MUC5B: variants seen among roughly 807,000 people sequenced by gnomAD.
MUC5B encodes the protein mucin-5B.
MUC5B carries 116 observed loss-of-function variants against 376.9 expected under a neutral mutation model. The observed-to-expected ratio is 0.31, with a 90% confidence interval of 0.26 to 0.36. The LOEUF is 0.36. Among genes scored for constraint, MUC5B ranks in the 10% least tolerant of loss-of-function variants. The pLI is 1.00. For missense variants in MUC5B, 7,165 were observed against 7,769.9 expected (o/e 0.92, Z 2.93); for synonymous variants, 3,517 against 3,390.9 (o/e 1.04, Z -1.29).
chr11:1,251,406 A>G lies in MUC5B; in HGVS notation c.14526A>G (p.Pro4842=). 6.2e-7 allele frequency: 1 copy of G among 1,611,976 alleles called. No homozygotes were observed. The highest frequency in any genetic ancestry group is 1.6e-4 in the Middle Eastern group (1 of 6,062). Residue 4842 remains proline (P), a synonymous_variant, in exon 31 of 49, where the codon CCA becomes CCG. Coordinates refer to ENST00000529681, the MANE Select transcript of MUC5B (RefSeq NM_002458.3). ...TGSTATLSST[P]GTTWILTEPS... ...CCACGGCCACCCTGTCCTCCACCCCAGGGACCACCTGGATCCTCACAGAGC... is the reference window on the plus strand; with the variant it reads ...CCACGGCCACCCTGTCCTCCACCCCGGGGACCACCTGGATCCTCACAGAGC...
rs201753409 is a variant in MUC5B, at chr11:1,241,275, G to A, written c.4395G>A (p.Lys1465=). The change falls in exon 31 of 49, where the codon AAG becomes AAA. Residue 1465 remains lysine (K), a synonymous_variant. Transcript: ENST00000529681. Reference sequence around the variant, plus strand: ...CAACCCAGACCACAGCAACCGAAAAGACCACCCTATGGGTGACCCCGAGCA... The same window carrying A: ...CAACCCAGACCACAGCAACCGAAAAAACCACCCTATGGGTGACCCCGAGCA... ...PTPTQTTATE[K]TTLWVTPSIR... 100 of 1,596,270 alleles carry A rather than the reference G, an allele frequency of 6.3e-5. 1 individual carries two copies. Among genetic ancestry groups the A allele is most frequent in the South Asian group, 6.8e-5 (6 of 88,670 alleles).
chr11:1,229,665 C>G, intron 9 of MUC5B, 25 bp from the exon 10 acceptor site: 1 of 1,533,280 alleles, frequency 6.5e-7, no homozygotes, highest in Non-Finnish European at 8.8e-7. Flanking sequence ...CATGGGCCGG[C>G]CCTGCCTCAC....
In MUC5B at chr11:1,249,143, G is replaced by C; in HGVS notation, c.12263G>C (p.Gly4088Ala). 3 of 1,609,690 alleles carry C rather than the reference G, an allele frequency of 1.9e-6. No individual in the cohort carries two copies. The highest frequency in any genetic ancestry group is 2.5e-6 in the Non-Finnish European group (3 of 1,179,158). ...SPPSPGTTTP[G>A]HTTATSRTTA... ...CCTTCCCCAGGGACGACCACCCCGG[G>C]CCACACCACGGCCACCTCCAGGACC... The change falls in exon 31 of 49, where the codon GGC (glycine) becomes GCC (alanine). Residue 4088 changes from glycine to alanine, a missense_variant. Transcript: ENST00000529681.
rs113090454 is a variant in MUC5B at position 1,254,397 on chromosome 11, G to A, written c.15477+46G>A. ...GCACAGTGTTGGCCCAGTCCCAACCGCACCTGGGCAGGCCGACTGCAGGCC... is the reference window on the plus strand; with the variant it reads ...GCACAGTGTTGGCCCAGTCCCAACCACACCTGGGCAGGCCGACTGCAGGCC... On this transcript the variant is annotated intron_variant, in intron 34 of 48. Coordinates refer to ENST00000529681, the MANE Select transcript of MUC5B (RefSeq NM_002458.3). 718 of 1,586,244 alleles carry A rather than the reference G, an allele frequency of 4.5e-4. 7 individuals carry two copies. The African/African-American group carries it at 8.1e-3, about 18-fold the overall frequency.
rs1862993639 is a variant in MUC5B at position 1,261,494 on chromosome 11, C to T, written c.17175C>T (p.Ile5725=). ...TGCACTGTCCTAACGGCTCAGCCAT[C>T]CTGCACACCTACACCCACGTGGATG... The part of the protein sequence containing the change: ...VPLHCPNGSA[I]LHTYTHVDEC... The change falls in exon 49 of 49, where the codon ATC becomes ATT. Residue 5725 remains isoleucine (I), a synonymous_variant. Transcript: ENST00000529681. The T allele has an allele frequency of 6.3e-7, 1 of 1,594,278 alleles. No individual in the cohort carries two copies. Among genetic ancestry groups the T allele is most frequent in the Non-Finnish European group, 8.5e-7 (1 of 1,171,722 alleles).
intron 24 of MUC5B, 55 bp from the exon 25 acceptor site, chr11:1,236,870 C>T: frequency 7.2e-7 from 1 of 1,397,880 alleles, no homozygotes; most frequent in Non-Finnish European, 9.3e-7. Context: ...GTGCTGCCTC[C>T]CACGGGTGCC....
chr11:1,240,118 G>A (rs368074085), intron 29 of MUC5B, 30 bp downstream of exon 29: 23 of 1,562,818 alleles, frequency 1.5e-5, no homozygotes, highest in South Asian at 3.6e-5. Context: ...TTAGTGGGCC[G>A]GTGAAGGCTG....
At position 1,245,317 on chromosome 11, in the gene MUC5B, C is replaced by T. The variant is rs1862424975; in HGVS notation, c.8437C>T (p.His2813Tyr). The change falls in exon 31 of 49, where the codon CAC (histidine) becomes TAC (tyrosine). Residue 2813 changes from histidine to tyrosine, a missense_variant. Physicochemically the swap from His to Tyr is moderately conservative, Grantham distance 83. Transcript: ENST00000529681. ...QHSTPALSSP[H>Y]PSSRTTESPP... The stretch of plus-strand genomic sequence containing the variant: ...CTCGACTCCAGCCCTGTCCAGCCCT[C>T]ACCCTAGCAGCAGGACCACCGAGTC... 1.3e-6 allele frequency: 2 copies of T among 1,596,750 alleles called. No individual in the cohort carries two copies. Among genetic ancestry groups the T allele is most frequent in the African/African-American group, 1.4e-5 (1 of 72,244 alleles).
Position 1,234,737 on chromosome 11 carries a change from G to T in MUC5B, c.2630+57G>T. ...GGGGAGGGCGGGGGCGGGGAGGGCA[G>T]CGGGTGGGGAGGCAGCGGGCAGGGA... On this transcript the variant is annotated intron_variant, in intron 21 of 48. Coordinates refer to ENST00000529681, the MANE Select transcript of MUC5B (RefSeq NM_002458.3). This position sits in a 1 kb window ranked among gnomAD's most constrained non-coding sequence, Gnocchi z 6.3. 1.1e-6 allele frequency: 1 copy of T among 903,402 alleles called. No homozygotes were observed. Among genetic ancestry groups the T allele is most frequent in the Non-Finnish European group, 1.6e-6 (1 of 624,238 alleles). 56.0% of individuals were successfully genotyped at this position (903,402 alleles called of 1,614,324 possible). A position where few individuals can be genotyped will look rare whatever the true frequency, so the allele number is the denominator to read the frequency against.
intron 31 of MUC5B, 102 bp from the exon 32 acceptor site, chr11:1,252,241 C>G: frequency 8.4e-7 from 1 of 1,186,376 alleles, no homozygotes; most frequent in Non-Finnish European, 1.2e-6. Flanking sequence ...TTCCCTGGAA[C>G]CGCTGCTCCC....
chr11:1,254,557 AG>A, intron 34 of MUC5B, 136 bp from the exon 35 acceptor site: 1 of 1,215,286 alleles, frequency 8.2e-7, no homozygotes. Flanking sequence ...CCAGGCCCCC[AG>A]GGAAGATCTG....
Position 1,243,545 on chromosome 11 carries a change from T to G in MUC5B, c.6665T>G (p.Leu2222Trp), listed in dbSNP as rs1480910311. Reference protein sequence around the residue: ...TAWTSATSGILGTTHITEPST... With the variant: ...TAWTSATSGIWGTTHITEPST... ...TGGACTTCGGCCACCTCGGGCATCT[T>G]GGGCACCACCCACATCACAGAGCCT... Residue 2222 changes from leucine to tryptophan, a missense_variant, in exon 31 of 49, where the codon TTG (leucine) becomes TGG (tryptophan). By Grantham distance (61) the Leu-to-Trp change is moderately conservative (BLOSUM62 -2). Around this residue, in one of 31 missense-constraint regions of MUC5B, gnomAD observed 67 missense variants for 103.0 expected, o/e 0.65. Transcript: ENST00000529681. The G allele has an allele frequency of 6.2e-7, 1 of 1,604,686 alleles. No homozygotes were observed. The highest frequency in any genetic ancestry group is 8.5e-7 in the Non-Finnish European group (1 of 1,177,278).
At chr11:1,231,066 C>A in intron 13 of MUC5B, 61 bp downstream of exon 13, 1 of 1,479,092 alleles carries the variant, frequency 6.8e-7, no homozygotes, top group Non-Finnish European at 9.2e-7. Flanking sequence ...GCAGCTCCCA[C>A]AGCCTGGGCA....
At position 1,227,018 on chromosome 11, in the gene MUC5B, G is replaced by A. The variant is rs780789878; in HGVS notation, c.462-13G>A. On this transcript the variant is annotated splice_polypyrimidine_tract_variant and intron_variant, in intron 4 of 48. Coordinates refer to ENST00000529681, the MANE Select transcript of MUC5B (RefSeq NM_002458.3). ...AGAGCGGGGCCCAGGGAGAGACCCC[G>A]CTGTCTGCGCAGGGAGGAGCTGCCT... 7.5e-6 allele frequency: 12 copies of A among 1,600,682 alleles called. No homozygotes were observed. The highest frequency in any genetic ancestry group is 5.1e-5 in the Admixed American group (3 of 59,224).
At chr11:1,238,291 C>T (rs1319989797) in intron 25 of MUC5B, among the ~76,000 whole-genome samples, 1 of 152,228 alleles carries the variant, frequency 6.6e-6, no homozygotes, top group Non-Finnish European at 1.5e-5. Context: ...TGGGCTCACC[C>T]CAGTGATCAG....
Position 1,226,291 on chromosome 11 carries a change from C to G in MUC5B, c.199+15C>G. On this transcript the variant is annotated intron_variant, in intron 3 of 48. Coordinates refer to ENST00000529681, the MANE Select transcript of MUC5B (RefSeq NM_002458.3). ...CAGCCTGAGCCGTAAGCAGATGCTGCCCCTGCCAGCCGGGAAGGGGGTGTT... is the reference window on the plus strand; with the variant it reads ...CAGCCTGAGCCGTAAGCAGATGCTGGCCCTGCCAGCCGGGAAGGGGGTGTT... The G allele has an allele frequency of 6.4e-7, 1 of 1,550,762 alleles. No individual in the cohort carries two copies. The highest frequency in any genetic ancestry group is 8.7e-7 in the Non-Finnish European group (1 of 1,148,078).
intron 31 of MUC5B, among the ~76,000 whole-genome samples, 169 bp downstream of exon 31, chr11:1,251,912 C>T (rs1003759782): frequency 6.6e-6 from 1 of 152,118 alleles, no homozygotes; most frequent in African/African-American, 2.4e-5. Flanking sequence ...CACACTGGGT[C>T]TCCTCTGGCC....
In MUC5B at chr11:1,244,710, T is replaced by G. The variant is rs1313813329; in HGVS notation, c.7830T>G (p.Thr2610=). 1.2e-6 allele frequency: 2 copies of G among 1,607,558 alleles called. No homozygotes were observed. Among genetic ancestry groups the G allele is most frequent in the South Asian group, 1.1e-5 (1 of 90,840 alleles). The part of the protein sequence containing the change: ...PGTAHTTKVL[T]TTTTGFTATP... ...CAGCTCACACTACCAAAGTGCTGAC[T>G]ACCACAACCACGGGCTTCACAGCCA... Residue 2610 remains threonine (T), a synonymous_variant, in exon 31 of 49, where the codon ACT becomes ACG. Transcript: ENST00000529681.
chr11:1,256,300 C>G, intron 38 of MUC5B, 75 bp downstream of exon 38: 1 of 699,820 alleles, frequency 1.4e-6, no homozygotes, highest in Non-Finnish European at 2.6e-6. Context: ...AGGAGGAGGC[C>G]AGAGGGTGTC....
Sources: gnomAD v4.1 joint callset for allele counts (sites outside exome capture counted in the v4.1 genomes callset) on GRCh38, gnomAD v4.1.1 for gene constraint, gnomAD v4.1.1 regional missense constraint, Gnocchi (gnomAD v3.1) non-coding constraint, MANE v1.5 for transcripts, NCBI Gene and HGNC (gene_info 2026-07-23, HGNC 2026-07-21) for gene names.